Variants in OSBPL10 observed in about 807,000 individuals in gnomAD.
OSBPL10 encodes oxysterol binding protein like 10, also known as oxysterol-binding protein-related protein 10.
Under a neutral mutation model 81.7 loss-of-function variants are expected in OSBPL10, and 49 were observed. That is an observed-to-expected ratio of 0.60 (90% CI 0.48 to 0.76). OSBPL10 has a LOEUF of 0.76. OSBPL10 is among the 30% of genes least tolerant of loss of function. The probability of loss-of-function intolerance (pLI) is 0.00; values close to 1 mark genes in which losing one functional copy is unlikely to be tolerated. For missense variants in OSBPL10, 923 were observed against 987.8 expected (o/e 0.93, Z 0.88); for synonymous variants, 419 against 383.6 (o/e 1.09, Z -1.08).
At chr3:31,687,923 TAA>T (rs370164968) in intron 7 of OSBPL10, among the ~76,000 whole-genome samples, 5 of 140,636 alleles carry the variant, frequency 3.6e-5, no homozygotes, top group East Asian at 2.1e-4. Flanking sequence ...ATAATAATAA[TAA>T]TTTTTTTAAA....
intron 6 of OSBPL10, among the ~76,000 whole-genome samples, chr3:31,723,554 A>ACACACC (rs1276077393): frequency 6.6e-6 from 1 of 151,888 alleles, no homozygotes; most frequent in African/African-American, 2.4e-5. Flanking sequence ...ACACACACAC[A>ACACACC]CACACACACA....
intron 1 of OSBPL10, among the ~76,000 whole-genome samples, chr3:32,050,595 A>G (rs9824950): frequency 0.023 from 3,500 of 152,218 alleles, 137 homozygotes; most frequent in African/African-American, 0.077. Flanking sequence ...CTTTTGGTAA[A>G]GTTCAAAGGC....
At chr3:31,755,266 C>T (rs1697851350) in intron 4 of OSBPL10, among the ~76,000 whole-genome samples, 1 of 152,102 alleles carries the variant, frequency 6.6e-6, no homozygotes. Context: ...AGTCTCAGGC[C>T]CGAAGTCATT....
chr3:31,982,305 T>C (rs1698866848), upstream of OSBPL10, among the ~76,000 whole-genome samples: 1 of 152,198 alleles, frequency 6.6e-6, no homozygotes, highest in Admixed American at 6.5e-5. Context: ...CATTGTAATC[T>C]GAAGTATCAA....
At chr3:31,926,291 C>CCCCCCA (rs762550379) in intron 1 of OSBPL10, among the ~76,000 whole-genome samples, 2 of 142,672 alleles carry the variant, frequency 1.4e-5, no homozygotes, top group Non-Finnish European at 1.5e-5. Flanking sequence ...GTGATTTTGC[C>CCCCCCA]CCCCCAGAGG....
intron 1 of OSBPL10, among the ~76,000 whole-genome samples, chr3:31,889,873 G>A (rs1416150558): frequency 6.6e-6 from 1 of 151,582 alleles, no homozygotes; most frequent in African/African-American, 2.4e-5. Context: ...TATGATCATG[G>A]TATGTTGTAT....
intron 4 of OSBPL10, among the ~76,000 whole-genome samples, chr3:31,765,302 C>T (rs1159095313): frequency 3.3e-5 from 5 of 152,068 alleles, no homozygotes; most frequent in Admixed American, 2.0e-4. Context: ...TCCCAAAGTG[C>T]TAGGATTACA....
chr3:31,809,488 A>G, intron 4 of OSBPL10, among the ~76,000 whole-genome samples: 1 of 152,226 alleles, frequency 6.6e-6, no homozygotes, highest in Non-Finnish European at 1.5e-5. Flanking sequence ...TTCAGATGTC[A>G]GTCCTTAAAT....
chr3:32,027,225 T>C (rs1699423949), intron 2 of OSBPL10, among the ~76,000 whole-genome samples: 1 of 152,080 alleles, frequency 6.6e-6, no homozygotes, highest in Middle Eastern at 3.2e-3. Flanking sequence ...TTCCCCTCCC[T>C]GTGTCCATGT....
At chr3:31,923,402 G>A (rs1243676186) in intron 1 of OSBPL10, among the ~76,000 whole-genome samples, 1 of 152,176 alleles carries the variant, frequency 6.6e-6, no homozygotes, top group East Asian at 1.9e-4. Flanking sequence ...CATTAAATGA[G>A]AAGGCACCAG....
chr3:31,985,600 A>C (rs1698923825), upstream of OSBPL10, among the ~76,000 whole-genome samples: 1 of 152,210 alleles, frequency 6.6e-6, no homozygotes, highest in South Asian at 2.1e-4. Context: ...GAGGATGTTC[A>C]TGGACCAGCA....
intron 10 of OSBPL10, among the ~76,000 whole-genome samples, chr3:31,667,373 T>C (rs1427133926): frequency 6.6e-6 from 1 of 152,192 alleles, no homozygotes. Flanking sequence ...ATAAACTGAT[T>C]AACAAGCAAG....
intron 4 of OSBPL10, among the ~76,000 whole-genome samples, chr3:31,793,895 TA>T (rs1337852553): frequency 6.6e-6 from 1 of 152,188 alleles, no homozygotes; most frequent in African/African-American, 2.4e-5. Context: ...AAATGACAAT[TA>T]AAATACAGAA....
intron 2 of OSBPL10, among the ~76,000 whole-genome samples, chr3:32,008,693 T>G (rs1280625661): frequency 7.0e-6 from 1 of 143,486 alleles, no homozygotes; most frequent in Non-Finnish European, 1.5e-5. Flanking sequence ...GAGGCTGCGG[T>G]AAGGCAAGAT....
chr3:32,032,440 TTAAA>T (rs1208095674), intron 2 of OSBPL10, among the ~76,000 whole-genome samples: 2 of 151,766 alleles, frequency 1.3e-5, no homozygotes, highest in Non-Finnish European at 2.9e-5. Flanking sequence ...TAATTAAAAA[TTAAA>T]TAAGTAAAAA....
intron 1 of OSBPL10, among the ~76,000 whole-genome samples, chr3:32,057,301 G>A (rs191091613): frequency 1.2e-4 from 18 of 151,150 alleles, no homozygotes; most frequent in Admixed American, 9.9e-4. Context: ...TTTTTTTTGC[G>A]TGAGGTTTAA....
chr3:31,939,387 C>A (rs1697475120), intron 1 of OSBPL10, among the ~76,000 whole-genome samples: 2 of 151,860 alleles, frequency 1.3e-5, no homozygotes, highest in Admixed American at 1.3e-4. Context: ...TTGTGACCTA[C>A]CCGCCCTAGC....
intron 4 of OSBPL10, among the ~76,000 whole-genome samples, chr3:31,782,103 G>T (rs1698711738): frequency 6.6e-6 from 1 of 152,112 alleles, no homozygotes; most frequent in Admixed American, 6.6e-5. Flanking sequence ...ATAAAAATAT[G>T]CACATAGACC....
chr3:32,063,827 C>G lies in OSBPL10; in HGVS notation n.185+13569G>C, dbSNP rs35146550. 9 of 92,108 alleles carry G rather than the reference C, an allele frequency of 9.8e-5. 1 individual carries two copies. The highest frequency in any genetic ancestry group is 2.5e-4 in the African/African-American group (9 of 35,698). The allele number at this position is 92,108 out of a possible 1,614,324, so 5.7% of individuals were successfully genotyped here. ...CTTGCTTCCTGTTCATCCTCTGCCA[C>G]GATTGTAAGTTTCCTAAGGCCTCCC... is the stretch of plus-strand genomic sequence containing the variant. On this transcript the variant is annotated intron_variant and non_coding_transcript_variant, in intron 1 of 3. Coordinates refer to the OSBPL10 transcript ENST00000479173.
Sources: gnomAD v4.1 joint callset for allele counts (sites outside exome capture counted in the v4.1 genomes callset) on GRCh38, gnomAD v4.1.1 for gene constraint, MANE v1.5 for transcripts, NCBI Gene and HGNC (gene_info 2026-07-23, HGNC 2026-07-21) for gene names.